MYBPC3: variants seen among roughly 807,000 people sequenced by gnomAD.
MYBPC3 encodes myosin-binding protein C, cardiac-type.
Under a neutral mutation model 159.3 loss-of-function variants are expected in MYBPC3, and 108 were observed. The observed-to-expected ratio is 0.68, with a 90% CI of 0.58 to 0.80. MYBPC3 has a LOEUF of 0.80. Among genes scored for constraint, MYBPC3 ranks in the 30% least tolerant of loss-of-function variants. MYBPC3 has a pLI of 0.00. For synonymous variants in MYBPC3, 730 were observed against 702.0 expected (o/e 1.04, Z -0.63); for missense variants, 1,631 against 1,762.1 (o/e 0.93, Z 1.33).
rs747774791 is a variant in MYBPC3 at position 47,337,457 on chromosome 11, C to G, written c.2536G>C (p.Val846Leu). ...ATGCCGATGGCGTTGACCGCGTAGA[C>G]GCGCATCTCGTACACCACGCCCTCG... ...MIEGVVYEMR[V>L]YAVNAIGMSR... Residue 846 changes from valine (V) to leucine (L), a missense_variant, in exon 25 of 35, where the codon GTC (valine) becomes CTC (leucine). Physicochemically the swap from Val to Leu is conservative, Grantham distance 32. Transcript: ENST00000545968. 3 of 1,613,564 alleles carry G rather than the reference C, an allele frequency of 1.9e-6. No homozygotes were observed. Among genetic ancestry groups the G allele is most frequent in the East Asian group, 2.2e-5 (1 of 44,886 alleles).
Position 47,336,791 on chromosome 11 carries a change from G to A in MYBPC3, c.2602+600C>T, listed in dbSNP as rs369748584. On this transcript the variant is annotated intron_variant, in intron 25 of 34. Transcript: ENST00000545968. ...CTGCCACAGTCTCAACACCTGTTCT[G>A]CCCACTCAGACCCCATTATACAGAT... is the stretch of plus-strand genomic sequence containing the variant. 1.8e-4 allele frequency among the ~76,000 whole-genome samples: 28 copies of A among 152,336 alleles called. 2 individuals are homozygous for A. Among genetic ancestry groups the A allele is most frequent in the African/African-American group, 6.3e-4 (26 of 41,584 alleles).
chr11:47,335,169 G>A lies in MYBPC3; in HGVS notation c.2778C>T (p.His926=), dbSNP rs2142853001. 1.2e-6 allele frequency: 2 copies of A among 1,611,544 alleles called. No homozygotes were observed. The highest frequency in any genetic ancestry group is 1.7e-6 in the Non-Finnish European group (2 of 1,178,662). ...GCAGGTCCTTCACCAGTATCGATGT[G>A]TGCTCTGTCAGCCCCTGCAGGGCAG... ...WVAALQGLTE[H]TSILVKDLPT... The change falls in exon 27 of 35, where the codon CAC becomes CAT. Residue 926 remains histidine, a synonymous_variant. Transcript: ENST00000545968.
At position 47,341,147 on chromosome 11, in the gene MYBPC3, G is replaced by C; in HGVS notation, c.1888C>G (p.His630Asp). ...GFACNLSAKL[H>D]FMEVKIDFVP... Reference sequence around the variant, plus strand: ...CCTGGAGCAGGCTCACCCATGAAGTGGAGCTTGGCTGACAGGTTGCAGGCG... The same window carrying C: ...CCTGGAGCAGGCTCACCCATGAAGTCGAGCTTGGCTGACAGGTTGCAGGCG... Residue 630 changes from histidine (H) to aspartate (D), a missense_variant, in exon 19 of 35, where the codon CAC becomes GAC. His to Asp is a moderately conservative substitution (Grantham distance 81). Transcript: ENST00000545968. 1 of 1,595,964 alleles carries C rather than the reference G, an allele frequency of 6.3e-7. No individual in the cohort carries two copies. Among genetic ancestry groups the C allele is most frequent in the South Asian group, 1.1e-5 (1 of 88,022 alleles).
At position 47,342,172 on chromosome 11, in the gene MYBPC3, G is replaced by C. The variant is rs1474742502; in HGVS notation, c.1625-16C>G. The C allele has an allele frequency of 6.2e-7, 1 of 1,612,174 alleles. No homozygotes were observed. The highest frequency in any genetic ancestry group is 1.1e-5 in the South Asian group (1 of 90,970). On this transcript the variant is annotated splice_polypyrimidine_tract_variant and intron_variant, in intron 17 of 34. Transcript: ENST00000545968. ...AGCTTCTTTTCTGCAGGGCAGGGCA[G>C]AGCCATTGAGCTCGGGAGGGTGTGT...
Position 47,350,068 on chromosome 11 carries a change from C to CGGG in MYBPC3, c.448_450dup (p.Pro150dup). ...ATCACGAAGAGGCCAATGGGGTCATCGGGGGCTCCAGGGGTAGGACCATTG... is the reference window on the plus strand; with the variant it reads ...ATCACGAAGAGGCCAATGGGGTCATCGGGGGGGGCTCCAGGGGTAGGACCATTG... On this transcript the variant is annotated inframe_insertion, in exon 4 of 35. Coordinates refer to ENST00000545968, the MANE Select transcript of MYBPC3 (RefSeq NM_000256.3). The CGGG allele has an allele frequency of 1.3e-6, 2 of 1,563,176 alleles. No homozygotes were observed. The highest frequency in any genetic ancestry group is 1.7e-6 in the Non-Finnish European group (2 of 1,153,436).
At chr11:47,352,575 A>AC in intron 1 of MYBPC3, 48 bp downstream of exon 1, 1 of 1,597,226 alleles carries the variant, frequency 6.3e-7, no homozygotes, top group Non-Finnish European at 8.5e-7. Flanking sequence ...CCAATTGTAG[A>AC]CACCCCCCTG....
At chr11:47,347,720 G>T (rs2095895779) in intron 7 of MYBPC3, 40 bp from the exon 8 acceptor site, 1 of 1,557,902 alleles carries the variant, frequency 6.4e-7, no homozygotes, top group Admixed American at 1.9e-5. Flanking sequence ...TGCCTGGGAA[G>T]CTTGCTCTCC....
intron 13 of MYBPC3, 84 bp from the exon 14 acceptor site, chr11:47,343,346 AGGAG>A: frequency 6.7e-7 from 1 of 1,490,442 alleles, no homozygotes; most frequent in Admixed American, 2.3e-5. Flanking sequence ...AGGGACCGGC[AGGAG>A]CAAAAGGATG....
In MYBPC3 at chr11:47,332,987, G is replaced by T; in HGVS notation, c.3331-14C>A. 1 of 1,603,954 alleles carries T rather than the reference G, an allele frequency of 6.2e-7. No individual in the cohort carries two copies. Among genetic ancestry groups the T allele is most frequent in the Admixed American group, 1.7e-5 (1 of 58,924 alleles). The stretch of plus-strand genomic sequence containing the variant: ...GGTGAACCACTCCTGGGGGCAGGGA[G>T]GGAGGGGAGGCATCTCTGGGCCAGG... On this transcript the variant is annotated splice_polypyrimidine_tract_variant and intron_variant, in intron 30 of 34. Transcript: ENST00000545968. The surrounding 1 kb of genome is among the most constrained non-coding windows in gnomAD (Gnocchi z 4.2).
Position 47,346,076 on chromosome 11 carries a change from G to T in MYBPC3, c.1090+131C>A. 7.9e-7 allele frequency: 1 copy of T among 1,273,632 alleles called. No individual in the cohort carries two copies. Among genetic ancestry groups the T allele is most frequent in the Non-Finnish European group, 1.1e-6 (1 of 935,968 alleles). 78.9% of individuals were successfully genotyped at this position (1,273,632 alleles called of 1,614,324 possible). On this transcript the variant is annotated intron_variant, in intron 12 of 34. Transcript: ENST00000545968. The surrounding 1 kb of genome is among the most constrained non-coding windows in gnomAD (Gnocchi z 5.3). ...CGGACTCCGCTCTTTCCATGTATGT[G>T]GACGAGGTGGGGGGCTAACCTGTGC...
rs766165160 is a variant in MYBPC3, at chr11:47,335,101, A to G, written c.2846T>C (p.Met949Thr). ...RLLFRVRAHNMAGPGAPVTTT... is the reference protein window; with the variant it reads ...RLLFRVRAHNTAGPGAPVTTT... ...GGTAACAGGGGCTCCAGGCCCTGCC[A>G]TATTGTGTGCCCGCACTCGGAAAAG... Residue 949 changes from methionine (M) to threonine (T), a missense_variant, in exon 27 of 35, where the codon ATG becomes ACG. Met to Thr is a moderately conservative substitution (Grantham distance 81). Coordinates refer to ENST00000545968, the MANE Select transcript of MYBPC3 (RefSeq NM_000256.3). 6.2e-7 allele frequency: 1 copy of G among 1,610,160 alleles called. No homozygotes were observed. The highest frequency in any genetic ancestry group is 1.7e-5 in the Admixed American group (1 of 59,716).
intron 12 of MYBPC3, among the ~76,000 whole-genome samples, chr11:47,345,843 G>A (rs1160673159): frequency 6.6e-6 from 1 of 152,174 alleles, no homozygotes; most frequent in Non-Finnish European, 1.5e-5. Context: ...CTTTTCAGAA[G>A]AGGGTAGAGA....
chr11:47,331,653 A>G lies in MYBPC3; in HGVS notation c.*90T>C. The G allele has an allele frequency of 5.0e-6, 3 of 601,522 alleles. No homozygotes were observed. The highest frequency in any genetic ancestry group is 2.1e-5 in the South Asian group (1 of 47,914). The allele number at this position is 601,522 out of a possible 1,614,324, so 37.3% of individuals were successfully genotyped here. On this transcript the variant is annotated 3_prime_UTR_variant, in exon 35 of 35. Coordinates refer to ENST00000545968, the MANE Select transcript of MYBPC3 (RefSeq NM_000256.3). ...CACACTTGTCACACATACATCCAAC[A>G]GTAGGGAGGGGTTTCCCCAACTTCC...
chr11:47,348,111 C>A (rs779511847), intron 6 of MYBPC3, among the ~76,000 whole-genome samples: 4 of 152,180 alleles, frequency 2.6e-5, no homozygotes, highest in African/African-American at 4.8e-5. Context: ...TCCCCAATTC[C>A]CACCCATCTC....
Position 47,333,978 on chromosome 11 carries a change from G to C in MYBPC3, c.2938C>G (p.Arg980Gly), listed in dbSNP as rs397515994. 6.3e-7 allele frequency: 1 copy of C among 1,585,198 alleles called. No homozygotes were observed. The highest frequency in any genetic ancestry group is 8.6e-7 in the Non-Finnish European group (1 of 1,166,056). Residue 980 changes from arginine (R) to glycine (G), a missense_variant, in exon 28 of 35, where the codon CGC becomes GGC. Coordinates refer to ENST00000545968, the MANE Select transcript of MYBPC3 (RefSeq NM_000256.3). The part of the protein sequence containing the change: ...RPRLQLPRHL[R>G]QTIQKKVGEP... ...CCGACCTTCTTCTGAATGGTCTGGC[G>C]CAGGTGCCTGGGCAGCTGAAGCCGT...
Position 47,336,021 on chromosome 11 carries a change from G to C in MYBPC3, c.2603-10C>G. The C allele has an allele frequency of 6.7e-7, 1 of 1,498,770 alleles. No individual in the cohort carries two copies. Among genetic ancestry groups the C allele is most frequent in the Non-Finnish European group, 8.9e-7 (1 of 1,121,516 alleles). 92.8% of individuals were successfully genotyped at this position (1,498,770 alleles called of 1,614,324 possible). On this transcript the variant is annotated splice_polypyrimidine_tract_variant and intron_variant, in intron 25 of 34. Coordinates refer to ENST00000545968, the MANE Select transcript of MYBPC3 (RefSeq NM_000256.3). The stretch of plus-strand genomic sequence containing the variant: ...GGTTCGCTGGGGGGACCTGGGCAGA[G>C]GAGAGGTCAGAGAGGGGTCTGAGCA...
At position 47,351,276 on chromosome 11, in the gene MYBPC3, G is replaced by A. The variant is rs1206735579; in HGVS notation, c.255C>T (p.Ser85=). Residue 85 remains serine (S), a synonymous_variant, in exon 2 of 35, where the codon TCC becomes TCT. Coordinates refer to ENST00000545968, the MANE Select transcript of MYBPC3 (RefSeq NM_000256.3). The surrounding 1 kb of genome is among the most constrained non-coding windows in gnomAD (Gnocchi z 4.2). ...CCTTGAGGTCGAACTTGACCTTGGA[G>A]GAGCCAGCAATGACTGCGTAAGATC... ...DQGSYAVIAG[S]SKVKFDLKVI... 1.3e-6 allele frequency: 2 copies of A among 1,556,226 alleles called. No individual in the cohort carries two copies. The highest frequency in any genetic ancestry group is 2.4e-5 in the East Asian group (1 of 41,686).
chr11:47,347,751 C>T, intron 7 of MYBPC3, 71 bp from the exon 8 acceptor site: 2 of 1,547,892 alleles, frequency 1.3e-6, no homozygotes, highest in Non-Finnish European at 1.7e-6. Flanking sequence ...CCACTGACTT[C>T]AGCTCCGCCC....
rs780449220 is a variant in MYBPC3 at position 47,333,599 on chromosome 11, C to T, written c.3148G>A (p.Glu1050Lys). 15 of 1,602,664 alleles carry T rather than the reference C, an allele frequency of 9.4e-6. No individual in the cohort carries two copies. In the East Asian group the frequency reaches 2.7e-4, roughly 29 times the overall value. ...SGTYQVTVRI[E>K]NMEDKATLVL... ...AGCGTGGCCTTGTCCTCCATGTTCT[C>T]AATGCGCACCGTCACCTGGTAAGTG... is the stretch of plus-strand genomic sequence containing the variant. The change falls in exon 29 of 35, where the codon GAG (glutamate) becomes AAG (lysine). Residue 1050 changes from glutamate to lysine, a missense_variant. By Grantham distance (56) the Glu-to-Lys change is moderately conservative (BLOSUM62 1). Transcript: ENST00000545968.
Sources: gnomAD v4.1 joint callset for allele counts (sites outside exome capture counted in the v4.1 genomes callset) on GRCh38, gnomAD v4.1.1 for gene constraint, Gnocchi (gnomAD v3.1) non-coding constraint, MANE v1.5 for transcripts, NCBI Gene and HGNC (gene_info 2026-07-23, HGNC 2026-07-21) for gene names.